The following RAB19 variants were observed in gnomAD, a reference collection of about 807,000 sequenced individuals.
RAB19 encodes ras-related protein Rab-19.
RAB19 carries 21 observed loss-of-function variants against 17.3 expected under a neutral mutation model. The ratio of observed to expected loss-of-function variants is 1.21; its 90% CI spans 0.86 to 1.74. RAB19 has a LOEUF of 1.74. RAB19 is among the 40% of genes most tolerant of loss of function. RAB19 has a pLI of 0.00. For missense variants in RAB19, 277 were observed against 286.8 expected (o/e 0.97, Z 0.25); for synonymous variants, 126 against 110.4 (o/e 1.14, Z -0.88).
chr7:140,425,371 G>A (rs934626951), intron 3 of RAB19, among the ~76,000 whole-genome samples: 1 of 152,084 alleles, frequency 6.6e-6, no homozygotes, highest in East Asian at 1.9e-4. Flanking sequence ...TCAGCTAAAT[G>A]AGCTCCATCT....
intron 3 of RAB19, among the ~76,000 whole-genome samples, chr7:140,423,333 A>G (rs569173119): frequency 2.0e-5 from 3 of 149,476 alleles, no homozygotes; most frequent in Non-Finnish European, 3.0e-5. Context: ...CCAGCTACTC[A>G]GGAGACTGAG....
chr7:140,420,461 G>A (rs958801885), intron 3 of RAB19, among the ~76,000 whole-genome samples: 1 of 151,378 alleles, frequency 6.6e-6, no homozygotes, highest in Non-Finnish European at 1.5e-5. Context: ...AGGAGCAGAA[G>A]GAGGCAGGGA....
At chr7:140,416,599 AC>A (rs58190504) in intron 3 of RAB19, among the ~76,000 whole-genome samples, 1,943 of 152,246 alleles carry the variant, frequency 0.013, 39 homozygotes, top group African/African-American at 0.042. Flanking sequence ...TGCCTCCCTA[AC>A]AAAATGAAGA....
intron 3 of RAB19, among the ~76,000 whole-genome samples, chr7:140,413,504 G>A (rs1482108249): frequency 6.6e-6 from 1 of 152,010 alleles, no homozygotes; most frequent in Non-Finnish European, 1.5e-5. Flanking sequence ...AGACCATCCT[G>A]GTCAACATAG....
intron 3 of RAB19, among the ~76,000 whole-genome samples, chr7:140,420,408 G>A (rs533397067): frequency 4.0e-4 from 50 of 126,050 alleles, no homozygotes; most frequent in African/African-American, 1.5e-3. Flanking sequence ...GCAACAGAGT[G>A]AGACTCCATA....
intron 3 of RAB19, among the ~76,000 whole-genome samples, chr7:140,415,722 G>A (rs1003751509): frequency 6.6e-6 from 1 of 151,890 alleles, no homozygotes; most frequent in Admixed American, 6.6e-5. Flanking sequence ...GGAGGCCAAG[G>A]CGGGCGGATT....
At chr7:140,411,680 C>G in intron 2 of RAB19, 194 bp from the exon 3 acceptor site, 1 of 1,344,400 alleles carries the variant, frequency 7.4e-7, no homozygotes, top group Non-Finnish European at 9.9e-7. Flanking sequence ...GGTCGTTCCC[C>G]AACCAAGGAG....
chr7:140,424,182 C>T (rs776646651), intron 3 of RAB19, among the ~76,000 whole-genome samples: 3 of 131,650 alleles, frequency 2.3e-5, no homozygotes, highest in South Asian at 5.0e-4. Context: ...TTTGACATGC[C>T]GTTTCGCTGT....
intron 1 of RAB19, among the ~76,000 whole-genome samples, chr7:140,404,625 CAG>C (rs138503918): frequency 0.28 from 42,468 of 151,908 alleles, 5,989 homozygotes; most frequent in Middle Eastern, 0.31. Context: ...TGTGATGAGA[CAG>C]AGTGTCCTTG....
chr7:140,410,320 T>C (rs1423206574), intron 2 of RAB19, among the ~76,000 whole-genome samples: 1 of 120,330 alleles, frequency 8.3e-6, no homozygotes, highest in East Asian at 2.5e-4. Flanking sequence ...TTTCTTTTTT[T>C]TTTTTTTTTT....
chr7:140,412,577 A>G (rs941006329), intron 3 of RAB19, among the ~76,000 whole-genome samples: 1 of 150,366 alleles, frequency 6.7e-6, no homozygotes, highest in East Asian at 2.0e-4. Context: ...CATGTTGCCC[A>G]GGCTGGTCTC....
At chr7:140,407,879 C>CA in intron 2 of RAB19, 32 bp downstream of exon 2, 2 of 848,192 alleles carry the variant, frequency 2.4e-6, no homozygotes, top group Non-Finnish European at 1.8e-6. Context: ...ACTGGTTCCA[C>CA]CTTTTTTTTT....
chr7:140,420,040 T>A (rs1463643197), intron 3 of RAB19, among the ~76,000 whole-genome samples: 1 of 152,140 alleles, frequency 6.6e-6, no homozygotes, highest in African/African-American at 2.4e-5. Flanking sequence ...TCTGTGTCAG[T>A]GTGGGTCCTC....
intron 3 of RAB19, among the ~76,000 whole-genome samples, chr7:140,425,402 G>T (rs529817269): frequency 6.5e-4 from 99 of 152,202 alleles, no homozygotes; most frequent in African/African-American, 2.3e-3. Context: ...CCAACACTCT[G>T]CTGTTTGAGG....
chr7:140,407,745 G>T lies in RAB19; in HGVS notation c.99G>T (p.Val33=), dbSNP rs1799270377. The T allele has an allele frequency of 1.2e-6, 2 of 1,613,828 alleles. No homozygotes were observed. Among genetic ancestry groups the T allele is most frequent in the East Asian group, 2.2e-5 (1 of 44,866 alleles). Residue 33 remains valine, a synonymous_variant, in exon 2 of 4, where the codon GTG becomes GTT. Coordinates refer to ENST00000537763, the MANE Select transcript of RAB19 (RefSeq NM_001008749.3). ...ATTCCAATGTGGGGAAGACGTGTGT[G>T]GTGCAGCATTTCAAGTCTGGAGTCT... ...IGDSNVGKTC[V]VQHFKSGVYT...
rs34940659 is a variant in RAB19 at position 140,427,141 on chromosome 7, CTTT to C, written c.*1010_*1012del. On this transcript the variant is annotated 3_prime_UTR_variant, in exon 4 of 4. Transcript: ENST00000537763. ...ACAGGCATGAGCCACCATGCCTGTT[CTTT>C]TTTTTTTTTTTTTTTTTTGAGACTG... 0.15 allele frequency among the ~76,000 whole-genome samples: 14,470 copies of C among 94,014 alleles called. 818 individuals carry two copies. Among genetic ancestry groups the C allele is most frequent in the African/African-American group, 0.25 (6,007 of 23,656 alleles). The allele number at this position is 94,014 out of a possible 152,430, so 61.7% of individuals were successfully genotyped here.
intron 1 of RAB19, among the ~76,000 whole-genome samples, chr7:140,407,035 G>A (rs1293043651): frequency 3.9e-5 from 6 of 152,042 alleles, no homozygotes; most frequent in African/African-American, 1.4e-4. Context: ...ATAGGCATGC[G>A]CCACCACACC....
At chr7:140,410,346 G>A (rs1366285258) in intron 2 of RAB19, among the ~76,000 whole-genome samples, 1 of 125,774 alleles carries the variant, frequency 8.0e-6, no homozygotes, top group Non-Finnish European at 1.6e-5. Context: ...TTGAGACGGA[G>A]TCTCGCCCTG....
At chr7:140,411,101 A>C (rs758187740) in intron 2 of RAB19, 1 of 1,367,406 alleles carries the variant, frequency 7.3e-7, no homozygotes, top group African/African-American at 1.5e-5. Context: ...CCCCAGGATA[A>C]AATAGGCCCA....
Sources: allele counts gnomAD v4.1 joint callset (sites outside exome capture counted in the v4.1 genomes callset), GRCh38; gene constraint gnomAD v4.1.1; transcripts MANE v1.5; gene names NCBI Gene and HGNC (gene_info 2026-07-23, HGNC 2026-07-21).